CADPS2: variants seen among roughly 807,000 people sequenced by gnomAD.
CADPS2 encodes calcium dependent secretion activator 2.
A neutral mutation model predicts 172.5 loss-of-function variants in CADPS2; 93 were observed. The ratio of observed to expected loss-of-function variants is 0.54; its 90% confidence interval spans 0.46 to 0.64. The LOEUF (loss-of-function observed/expected upper bound fraction) is 0.64. Among genes scored for constraint, CADPS2 ranks in the 30% least tolerant of loss-of-function variants. CADPS2 has a pLI of 0.00. For missense variants in CADPS2, 1,420 were observed against 1,565.9 expected, an observed-to-expected ratio of 0.91 and a Z score of 1.57; for synonymous variants, 546 against 555.2, an observed-to-expected ratio of 0.98 and a Z score of 0.23.
intron 25 of CADPS2, among the ~76,000 whole-genome samples, chr7:122,374,789 G>A (rs535435540): frequency 2.0e-5 from 3 of 152,130 alleles, no homozygotes; most frequent in Non-Finnish European, 2.9e-5. Context: ...GAGCTGATGG[G>A]TGCAACAACC....
intron 2 of CADPS2, among the ~76,000 whole-genome samples, chr7:122,720,142 C>T (rs1351312437): frequency 1.3e-5 from 2 of 152,000 alleles, no homozygotes; most frequent in African/African-American, 2.4e-5. Context: ...AATAGAACGT[C>T]ATACTAAAAG....
chr7:122,692,365 C>G (rs1442765001), intron 2 of CADPS2, among the ~76,000 whole-genome samples: 1 of 152,240 alleles, frequency 6.6e-6, no homozygotes, highest in Non-Finnish European at 1.5e-5. Flanking sequence ...AACAGAGGTT[C>G]TTTCTCCCTG....
At chr7:122,664,484 G>T (rs1006886254) in intron 2 of CADPS2, among the ~76,000 whole-genome samples, 2 of 152,126 alleles carry the variant, frequency 1.3e-5, no homozygotes, top group South Asian at 2.1e-4. Context: ...GGTAGCAAGG[G>T]TTGGGTAAAA....
At position 122,702,349 on chromosome 7, in the gene CADPS2, A is replaced by T. The variant is rs2086272624; in HGVS notation, c.453+34606T>A. Reference sequence around the variant, plus strand: ...ACATGGGAAATACTTTACTGCCCGTACCTTGATAGTTGTAGATGATCACCC... The same window carrying T: ...ACATGGGAAATACTTTACTGCCCGTTCCTTGATAGTTGTAGATGATCACCC... On this transcript the variant is annotated intron_variant, in intron 2 of 29. Coordinates refer to ENST00000449022, the MANE Select transcript of CADPS2 (RefSeq NM_017954.11). 6 of 1,613,792 alleles carry T rather than the reference A, an allele frequency of 3.7e-6. No homozygotes were observed. In the Middle Eastern group the frequency reaches 5.0e-4, roughly 133 times the overall value.
At chr7:122,637,229 T>C (rs561452588) in intron 3 of CADPS2, among the ~76,000 whole-genome samples, 88 of 122,248 alleles carry the variant, frequency 7.2e-4, no homozygotes, top group African/African-American at 2.7e-3. Context: ...GGTCTCACTC[T>C]GTGGCCCAGG....
At chr7:122,442,885 G>A (rs1357109430) in intron 15 of CADPS2, among the ~76,000 whole-genome samples, 1 of 151,968 alleles carries the variant, frequency 6.6e-6, no homozygotes, top group Admixed American at 6.6e-5. Flanking sequence ...CCACCCACAC[G>A]CACAAGAAAG....
chr7:122,526,869 A>T (rs775801016), intron 8 of CADPS2, among the ~76,000 whole-genome samples: 8 of 152,194 alleles, frequency 5.3e-5, no homozygotes, highest in Non-Finnish European at 7.4e-5. Flanking sequence ...CATGAGGGCA[A>T]GGGCCATATC....
chr7:122,564,396 C>T (rs920841425), intron 7 of CADPS2, among the ~76,000 whole-genome samples: 3 of 152,074 alleles, frequency 2.0e-5, no homozygotes, highest in Non-Finnish European at 4.4e-5. Flanking sequence ...GCAACCTCTG[C>T]CTCCTAGGTT....
chr7:122,460,912 G>A (rs772156261), intron 14 of CADPS2, among the ~76,000 whole-genome samples: 8 of 152,132 alleles, frequency 5.3e-5, no homozygotes, highest in Non-Finnish European at 8.8e-5. Context: ...ATAGAGTAAG[G>A]GTTGGCAAAC....
At chr7:122,728,041 A>G (rs1049191971) in intron 2 of CADPS2, among the ~76,000 whole-genome samples, 10 of 151,870 alleles carry the variant, frequency 6.6e-5, no homozygotes, top group Non-Finnish European at 1.5e-4. Context: ...ACAACTCACT[A>G]CAAAAAAAAT....
chr7:122,501,748 G>C (rs2059218224), intron 9 of CADPS2, among the ~76,000 whole-genome samples: 1 of 151,472 alleles, frequency 6.6e-6, no homozygotes, highest in Non-Finnish European at 1.5e-5. Context: ...GGTGGCACAC[G>C]CCTGTAGTCC....
At chr7:122,574,156 A>C (rs964522259) in intron 7 of CADPS2, among the ~76,000 whole-genome samples, 7 of 151,984 alleles carry the variant, frequency 4.6e-5, no homozygotes, top group African/African-American at 1.7e-4. Flanking sequence ...AAAAATGTGT[A>C]TTTCTTGGGC....
Position 122,702,468 on chromosome 7 carries a change from G to A in CADPS2, c.453+34487C>T. The A allele has an allele frequency of 3.7e-6, 6 of 1,613,712 alleles. No homozygotes were observed. The South Asian group carries it at 6.6e-5, about 18-fold the overall frequency. ...GCCAGCCATGAGTCTGCCTGTTTGG[G>A]CCTGCTGAAATTGGTCAAAGGATGA... On this transcript the variant is annotated intron_variant, in intron 2 of 29. Coordinates refer to ENST00000449022, the MANE Select transcript of CADPS2 (RefSeq NM_017954.11).
intron 1 of CADPS2, among the ~76,000 whole-genome samples, chr7:122,884,871 G>A (rs1469183572): frequency 1.3e-5 from 2 of 152,166 alleles, no homozygotes; most frequent in Non-Finnish European, 2.9e-5. Context: ...AGAATGTAGG[G>A]AGACTGAATT....
intron 1 of CADPS2, among the ~76,000 whole-genome samples, chr7:122,865,360 C>T (rs11981227): frequency 0.012 from 1,874 of 152,278 alleles, 41 homozygotes; most frequent in African/African-American, 0.043. Flanking sequence ...CAGATTAAGA[C>T]ATCCCACTAG....
chr7:122,641,946 T>A (rs531410117), intron 3 of CADPS2, among the ~76,000 whole-genome samples: 4 of 152,060 alleles, frequency 2.6e-5, no homozygotes, highest in African/African-American at 9.6e-5. Flanking sequence ...TCTGGAATGA[T>A]AGCATCAGGA....
intron 7 of CADPS2, among the ~76,000 whole-genome samples, chr7:122,569,526 A>C (rs1450098679): frequency 6.9e-6 from 1 of 144,300 alleles, no homozygotes; most frequent in African/African-American, 2.7e-5. Context: ...AATTGGAAAA[A>C]ACTACTTTAA....
rs143444496 is a variant in CADPS2, at chr7:122,631,525, C to T, written c.787-2197G>A. Among the ~76,000 whole-genome samples, 296 of 152,124 alleles carry T rather than the reference C, an allele frequency of 1.9e-3. 1 individual carries two copies. The highest frequency in any genetic ancestry group is 6.8e-3 in the African/African-American group (284 of 41,516). On this transcript the variant is annotated intron_variant, in intron 3 of 29. Coordinates refer to ENST00000449022, the MANE Select transcript of CADPS2 (RefSeq NM_017954.11). ...AACTCCTGGGCTCAAGTGATCTTCC[C>T]GCCTCTGCCTTCCTAAGTGCTGGAA...
At chr7:122,430,949 AAAAC>A (rs2049831161) in intron 17 of CADPS2, among the ~76,000 whole-genome samples, 1 of 152,230 alleles carries the variant, frequency 6.6e-6, no homozygotes, top group Non-Finnish European at 1.5e-5. Flanking sequence ...CTGAATTACA[AAAAC>A]AATCAAAACA....
Sources: allele counts gnomAD v4.1 joint callset (sites outside exome capture counted in the v4.1 genomes callset), GRCh38; gene constraint gnomAD v4.1.1; transcripts MANE v1.5; gene names NCBI Gene and HGNC (gene_info 2026-07-23, HGNC 2026-07-21).